The following EPC2 variants were observed in gnomAD, a reference collection of about 807,000 sequenced individuals.
The protein encoded by EPC2 is enhancer of polycomb homolog 2.
A neutral mutation model predicts 92.1 loss-of-function variants in EPC2; 14 were observed. The observed-to-expected ratio is 0.15, with a 90% CI of 0.10 to 0.24. The LOEUF is 0.24. Among genes scored for constraint, EPC2 ranks in the 10% least tolerant of loss-of-function variants. The pLI, the probability that EPC2 is intolerant of heterozygous loss-of-function variation, is 1.00. For missense variants in EPC2, 755 were observed against 971.5 expected, an observed-to-expected ratio of 0.78 and a Z score of 2.96; for synonymous variants, 340 against 334.7, an observed-to-expected ratio of 1.02 and a Z score of -0.17.
At chr2:148,652,572 T>C (rs184112595) in intron 1 of EPC2, among the ~76,000 whole-genome samples, 1 of 152,306 alleles carries the variant, frequency 6.6e-6, no homozygotes, top group East Asian at 1.9e-4. Flanking sequence ...TTGGACTGAG[T>C]GACCTTTAAA....
chr2:148,753,149 GC>G (rs1401492193), intron 3 of EPC2, among the ~76,000 whole-genome samples: 1 of 152,150 alleles, frequency 6.6e-6, no homozygotes, highest in Non-Finnish European at 1.5e-5. Flanking sequence ...ATATGACCAA[GC>G]AAATGTTTAC....
intron 1 of EPC2, among the ~76,000 whole-genome samples, chr2:148,669,746 G>GGTTTTT (rs1364512910): frequency 6.6e-6 from 1 of 152,090 alleles, no homozygotes; most frequent in African/African-American, 2.4e-5. Context: ...GATACCTTTA[G>GGTTTTT]GTTTTGCTCT....
chr2:148,681,868 C>A (rs191019701), intron 1 of EPC2, among the ~76,000 whole-genome samples: 303 of 152,198 alleles, frequency 2.0e-3, no homozygotes, highest in African/African-American at 7.1e-3. Context: ...TATCCCTCCC[C>A]CTACCCCCTA....
At chr2:148,684,013 C>T (rs1198215310) in intron 1 of EPC2, among the ~76,000 whole-genome samples, 1 of 152,198 alleles carries the variant, frequency 6.6e-6, no homozygotes, top group Non-Finnish European at 1.5e-5. Context: ...ACCACATCCA[C>T]ACCAACATCA....
At chr2:148,737,606 A>G (rs553113829) in intron 2 of EPC2, among the ~76,000 whole-genome samples, 1 of 152,264 alleles carries the variant, frequency 6.6e-6, no homozygotes, top group Admixed American at 6.5e-5. Flanking sequence ...TCTCTGAAGC[A>G]ACGTTTGTAG....
intron 1 of EPC2, among the ~76,000 whole-genome samples, chr2:148,665,339 A>G (rs573562856): frequency 8.3e-4 from 127 of 152,342 alleles, no homozygotes; most frequent in African/African-American, 1.9e-3. Flanking sequence ...AAAGTCAAAT[A>G]CCAGTAATTT....
At chr2:148,678,621 A>G (rs1055923856) in intron 1 of EPC2, among the ~76,000 whole-genome samples, 1 of 152,242 alleles carries the variant, frequency 6.6e-6, no homozygotes, top group Non-Finnish European at 1.5e-5. Flanking sequence ...GACCCAGTAC[A>G]GCCTCCGCAG....
intron 2 of EPC2, among the ~76,000 whole-genome samples, chr2:148,704,350 G>A (rs1681951491): frequency 6.6e-6 from 1 of 152,106 alleles, no homozygotes; most frequent in South Asian, 2.1e-4. Flanking sequence ...GGTTGCTAGG[G>A]ACTGGGGAGA....
rs34219179 is a variant in EPC2, at chr2:148,733,479, A to ATTTTTT, written c.314-10112_314-10107dup. Among the ~76,000 whole-genome samples the ATTTTTT allele has an allele frequency of 4.1e-4, 11 of 26,680 alleles. 1 individual carries two copies. Among genetic ancestry groups the ATTTTTT allele is most frequent in the South Asian group, 1.9e-3 (1 of 540 alleles). The allele number at this position is 26,680 out of a possible 152,430, so 17.5% of individuals were successfully genotyped here. ...CTTTCTCTTTTCTTTCTCTCTCTGGATTTTTTTTTTTTTTTTTTTTTTTTT... is the reference window on the plus strand; with the variant it reads ...CTTTCTCTTTTCTTTCTCTCTCTGGATTTTTTTTTTTTTTTTTTTTTTTTTTTTTTT... On this transcript the variant is annotated intron_variant, in intron 2 of 13. Transcript: ENST00000258484.
intron 2 of EPC2, among the ~76,000 whole-genome samples, chr2:148,726,117 T>C (rs1200029332): frequency 6.6e-6 from 1 of 152,210 alleles, no homozygotes; most frequent in Admixed American, 6.5e-5. Flanking sequence ...GATTCATCCA[T>C]GTTGTAAACA....
intron 1 of EPC2, among the ~76,000 whole-genome samples, chr2:148,656,033 G>T (rs1274020272): frequency 1.6e-4 from 21 of 131,794 alleles, no homozygotes; most frequent in South Asian, 5.4e-4. Flanking sequence ...GTGGGGGGGG[G>T]GGGGGTTATT....
At chr2:148,721,712 CTTTTT>C (rs34017461) in intron 2 of EPC2, among the ~76,000 whole-genome samples, 3 of 111,516 alleles carry the variant, frequency 2.7e-5, no homozygotes, top group Non-Finnish European at 3.7e-5. Context: ...CTGTTTTATT[CTTTTT>C]TTTTTTTTTT....
chr2:148,784,386 A>G (rs990525852), intron 12 of EPC2, among the ~76,000 whole-genome samples: 5 of 152,208 alleles, frequency 3.3e-5, no homozygotes, highest in African/African-American at 1.2e-4. Context: ...TGTCATTTCC[A>G]TCTGTCCTGT....
chr2:148,776,504 G>A (rs1683647822), intron 10 of EPC2, among the ~76,000 whole-genome samples: 1 of 152,094 alleles, frequency 6.6e-6, no homozygotes. Flanking sequence ...ACATTTGTAA[G>A]ATGTATATAG....
rs60445127 is a variant in EPC2 at position 148,694,856 on chromosome 2, C to T, written c.313+4483C>T. ...ATCTGCTCACCACAACCTTCCTCACCGCCCCCACCAGGTTTAAGCAATTCC... is the reference window on the plus strand; with the variant it reads ...ATCTGCTCACCACAACCTTCCTCACTGCCCCCACCAGGTTTAAGCAATTCC... On this transcript the variant is annotated intron_variant, in intron 2 of 13. Transcript: ENST00000258484. Among the ~76,000 whole-genome samples the T allele has an allele frequency of 1.0e-2, 1,522 of 152,264 alleles. 25 individuals carry two copies. The highest frequency in any genetic ancestry group is 0.034 in the African/African-American group (1,425 of 41,540).
chr2:148,649,775 C>T (rs1680631890), intron 1 of EPC2, among the ~76,000 whole-genome samples: 1 of 152,182 alleles, frequency 6.6e-6, no homozygotes, highest in African/African-American at 2.4e-5. Flanking sequence ...TTACAGAATC[C>T]AGAGTTATCT....
intron 11 of EPC2, 89 bp from the exon 12 acceptor site, chr2:148,783,508 G>A: frequency 2.4e-6 from 3 of 1,242,406 alleles, no homozygotes; most frequent in Non-Finnish European, 3.4e-6. Context: ...GGTTAGAAAG[G>A]CAACAGCCTC....
chr2:148,735,909 T>C (rs998325682), intron 2 of EPC2, among the ~76,000 whole-genome samples: 7 of 152,130 alleles, frequency 4.6e-5, no homozygotes, highest in African/African-American at 1.7e-4. Flanking sequence ...CCATGTGTTA[T>C]AGCTGGTTAA....
rs56073706 is a variant in EPC2, at chr2:148,776,856, C to CT, written c.1721-4766dup. On this transcript the variant is annotated intron_variant, in intron 10 of 13. Transcript: ENST00000258484. ...ACATAGCAAGACCCTGTCTCTCTCT[C>CT]TTTTTTTTTTTTTTTTTTTTTTGAG... is the stretch of plus-strand genomic sequence containing the variant. Among the ~76,000 whole-genome samples the CT allele has an allele frequency of 5.8e-4, 59 of 101,018 alleles. 1 individual carries two copies. Among genetic ancestry groups the CT allele is most frequent in the African/African-American group, 2.1e-3 (56 of 27,118 alleles). The allele number at this position is 101,018 out of a possible 152,430, so 66.3% of individuals were successfully genotyped here.
Sources: gnomAD v4.1 joint callset for allele counts (sites outside exome capture counted in the v4.1 genomes callset) on GRCh38, gnomAD v4.1.1 for gene constraint, MANE v1.5 for transcripts, NCBI Gene and HGNC (gene_info 2026-07-23, HGNC 2026-07-21) for gene names.